Variants in FAM151B observed in about 807,000 individuals in gnomAD.
The protein encoded by FAM151B is protein FAM151B.
FAM151B carries 24 observed loss-of-function variants against 31.2 expected under a neutral mutation model. That is an observed-to-expected ratio of 0.77 (90% confidence interval 0.56 to 1.08). The LOEUF (loss-of-function observed/expected upper bound fraction) is 1.08, where lower values mean the gene tolerates loss of function less well. Ranked by LOEUF, FAM151B falls within the 50% of genes least tolerant of loss-of-function variation. The pLI is 0.00. For synonymous variants in FAM151B, 105 were observed against 111.4 expected, an observed-to-expected ratio of 0.94 and a Z score of 0.36; for missense variants, 293 against 328.6, an observed-to-expected ratio of 0.89 and a Z score of 0.84.
chr5:80,534,187 GAACT>G (rs1325336185), intron 5 of FAM151B, among the ~76,000 whole-genome samples: 2 of 151,884 alleles, frequency 1.3e-5, no homozygotes, highest in East Asian at 3.9e-4. Flanking sequence ...ATTTAAAGAA[GAACT>G]AACACCAGTC....
intron 1 of FAM151B, chr5:80,498,654 A>C: frequency 1.4e-6 from 1 of 693,628 alleles, no homozygotes; most frequent in East Asian, 2.8e-5. Context: ...AAGGTGTCTA[A>C]TTTTGCCATT....
chr5:80,495,794 G>A (rs1448438793), intron 1 of FAM151B, among the ~76,000 whole-genome samples: 1 of 118,850 alleles, frequency 8.4e-6, no homozygotes, highest in Middle Eastern at 0.01. Context: ...GCGCCACACT[G>A]CACTCCAGCC....
intron 3 of FAM151B, among the ~76,000 whole-genome samples, chr5:80,517,122 T>A (rs1744484070): frequency 6.6e-6 from 1 of 152,110 alleles, no homozygotes; most frequent in African/African-American, 2.4e-5. Context: ...GAAGGGTGAG[T>A]ACGGTACAGT....
intron 2 of FAM151B, among the ~76,000 whole-genome samples, chr5:80,508,033 A>G (rs1744041097): frequency 6.6e-6 from 1 of 152,216 alleles, no homozygotes; most frequent in Admixed American, 6.5e-5. Flanking sequence ...GCACCTTCCT[A>G]TGTGGCCTTT....
chr5:80,525,597 A>G (rs1188038264), intron 5 of FAM151B, among the ~76,000 whole-genome samples: 1 of 152,140 alleles, frequency 6.6e-6, no homozygotes, highest in Non-Finnish European at 1.5e-5. Context: ...ATCTTCTCCA[A>G]CGGTCATCTA....
intron 1 of FAM151B, 121 bp from the exon 2 acceptor site, chr5:80,501,671 T>C (rs1056726126): frequency 1.4e-5 from 9 of 621,740 alleles, no homozygotes; most frequent in Non-Finnish European, 2.2e-5. Context: ...TATCTATCTA[T>C]CTATATATAT....
chr5:80,541,742 C>T lies in FAM151B; in HGVS notation c.741C>T (p.Asp247=), dbSNP rs1745906272. Residue 247 remains aspartate, a synonymous_variant, in exon 6 of 6, where the codon GAC becomes GAT. Coordinates refer to ENST00000282226, the MANE Select transcript of FAM151B (RefSeq NM_205548.3). ...TTGAAGATTTACTTTACATTAGAGA[C>T]CATTTTGACAAAAAACAAGTTTTCT... The part of the protein sequence containing the change: ...YSVEDLLYIR[D]HFDKKQVFYD... 6.2e-7 allele frequency: 1 copy of T among 1,613,336 alleles called. No individual in the cohort carries two copies. Among genetic ancestry groups the T allele is most frequent in the Non-Finnish European group, 8.5e-7 (1 of 1,179,668 alleles).
chr5:80,519,545 TG>T, intron 3 of FAM151B, 147 bp from the exon 4 acceptor site: 1 of 659,076 alleles, frequency 1.5e-6, no homozygotes, highest in Non-Finnish European at 2.6e-6. Flanking sequence ...CTTTTCCCTC[TG>T]GTGCTATGCG....
chr5:80,521,891 A>G, intron 4 of FAM151B, 112 bp from the exon 5 acceptor site: 2 of 683,080 alleles, frequency 2.9e-6, no homozygotes, highest in Non-Finnish European at 2.2e-6. Context: ...AGTATTATGA[A>G]TTACCTATGA....
At chr5:80,526,702 T>A (rs531428404) in intron 5 of FAM151B, among the ~76,000 whole-genome samples, 6 of 152,330 alleles carry the variant, frequency 3.9e-5, no homozygotes, top group African/African-American at 1.4e-4. Flanking sequence ...TAATTTTACC[T>A]CTTTTCAACT....
At chr5:80,507,699 A>C (rs1489889941) in intron 2 of FAM151B, among the ~76,000 whole-genome samples, 1 of 152,142 alleles carries the variant, frequency 6.6e-6, no homozygotes, top group African/African-American at 2.4e-5. Flanking sequence ...CAAACAAAAA[A>C]CAGATCCATT....
At chr5:80,520,011 T>G in intron 4 of FAM151B, 101 bp downstream of exon 4, 1 of 1,142,038 alleles carries the variant, frequency 8.8e-7, no homozygotes, top group Non-Finnish European at 1.2e-6. Flanking sequence ...CTACAAAATC[T>G]AAGCCTGATG....
At chr5:80,495,903 G>A (rs1743522800) in intron 1 of FAM151B, among the ~76,000 whole-genome samples, 1 of 148,898 alleles carries the variant, frequency 6.7e-6, no homozygotes, top group African/African-American at 2.5e-5. Flanking sequence ...CTGAAGATGT[G>A]ACTACATTAT....
At chr5:80,525,966 G>A (rs560582070) in intron 5 of FAM151B, among the ~76,000 whole-genome samples, 1 of 151,466 alleles carries the variant, frequency 6.6e-6, no homozygotes, top group Non-Finnish European at 1.5e-5. Flanking sequence ...TACTAGGTGT[G>A]TATATATATA....
Position 80,512,643 on chromosome 5 carries a change from A to G in FAM151B, c.152-961A>G, listed in dbSNP as rs977046891. ...TATTTTTTAAAAAAATCAGCTGGGC[A>G]TGGTGGCACACACCTGTAGTCCTAG... On this transcript the variant is annotated intron_variant, in intron 2 of 5. Transcript: ENST00000282226. Among the ~76,000 whole-genome samples, 8 of 152,076 alleles carry G rather than the reference A, an allele frequency of 5.3e-5. No individual in the cohort carries two copies. In the East Asian group the frequency reaches 1.5e-3, roughly 29 times the overall value.
chr5:80,535,714 C>G (rs916472547), intron 5 of FAM151B, among the ~76,000 whole-genome samples: 2 of 152,144 alleles, frequency 1.3e-5, no homozygotes, highest in Non-Finnish European at 2.9e-5. Flanking sequence ...ACAAGCAAGG[C>G]AGCCAAAGCA....
chr5:80,521,880 A>G, intron 4 of FAM151B, 123 bp from the exon 5 acceptor site: 1 of 588,786 alleles, frequency 1.7e-6, no homozygotes, highest in Non-Finnish European at 2.6e-6. Flanking sequence ...TCCAAATGGA[A>G]AGTATTATGA....
chr5:80,501,781 T>A lies in FAM151B; in HGVS notation c.26-11T>A, dbSNP rs554447719. ...ACAATATCACTTTTCATGTAAACAC[T>A]GTTATTTTAGGATCTTGGAGTGAAA... On this transcript the variant is annotated splice_polypyrimidine_tract_variant and intron_variant, in intron 1 of 5. Transcript: ENST00000282226. 9.5e-6 allele frequency: 15 copies of A among 1,581,264 alleles called. No individual in the cohort carries two copies. Among genetic ancestry groups the A allele is most frequent in the Middle Eastern group, 1.7e-4 (1 of 5,976 alleles).
intron 5 of FAM151B, 126 bp from the exon 6 acceptor site, chr5:80,541,547 G>GTA (rs1745891406): frequency 2.3e-5 from 19 of 824,152 alleles, no homozygotes; most frequent in African/African-American, 5.2e-5. Flanking sequence ...TTACACCATT[G>GTA]CTGATTAATT....
Sources: allele counts gnomAD v4.1 joint callset (sites outside exome capture counted in the v4.1 genomes callset), GRCh38; gene constraint gnomAD v4.1.1; transcripts MANE v1.5; gene names NCBI Gene and HGNC (gene_info 2026-07-23, HGNC 2026-07-21).